The following ITGB8 variants were observed in gnomAD, a reference collection of about 807,000 sequenced individuals.
ITGB8 encodes integrin beta-8.
In ITGB8, 30 loss-of-function variants were observed where a neutral mutation model predicts 89.5. The observed-to-expected ratio is 0.34, with a 90% CI of 0.25 to 0.45. The LOEUF (loss-of-function observed/expected upper bound fraction) is 0.45, where lower values mean the gene tolerates loss of function less well. Ranked by LOEUF, ITGB8 falls within the 20% of genes least tolerant of loss-of-function variation. The probability of loss-of-function intolerance (pLI) is 1.00; values close to 1 mark genes in which losing one functional copy is unlikely to be tolerated. For missense variants in ITGB8, 836 were observed against 933.3 expected, an observed-to-expected ratio of 0.90 and a Z score of 1.36; for synonymous variants, 335 against 320.4, an observed-to-expected ratio of 1.05 and a Z score of -0.49.
At chr7:20,334,839 C>T (rs753440452) in intron 1 of ITGB8, among the ~76,000 whole-genome samples, 8 of 152,246 alleles carry the variant, frequency 5.3e-5, no homozygotes, top group Non-Finnish European at 1.0e-4. Flanking sequence ...TTCCTGTGCC[C>T]CAAAATAACT....
intron 6 of ITGB8, 194 bp downstream of exon 6, chr7:20,382,079 G>T (rs1262404152): frequency 9.0e-6 from 4 of 443,824 alleles, no homozygotes; most frequent in Non-Finnish European, 1.6e-5. Context: ...GAATAAAACA[G>T]TTTGACAGTT....
At chr7:20,339,952 C>T (rs922355390) in intron 1 of ITGB8, among the ~76,000 whole-genome samples, 2 of 152,238 alleles carry the variant, frequency 1.3e-5, no homozygotes, top group East Asian at 3.9e-4. Context: ...CGCCTGAACC[C>T]GGGAGGCGGA....
intron 3 of ITGB8, chr7:20,377,549 C>G (rs1236876372): frequency 6.6e-6 from 1 of 152,240 alleles, no homozygotes; most frequent in Non-Finnish European, 1.5e-5. Flanking sequence ...AATTTCTCCA[C>G]TCAAATTGCA....
Position 20,331,592 on chromosome 7 carries a change from C to A in ITGB8, c.-215C>A. On this transcript the variant is annotated 5_prime_UTR_variant, in exon 1 of 14. Transcript: ENST00000222573. ...CGCGGAGACCGCGGGACCCGCCGTG[C>A]CGAGCCGGGAGGGCCGCAGGGGCCC... 1 of 487,918 alleles carries A rather than the reference C, an allele frequency of 2.0e-6. No homozygotes were observed. Among genetic ancestry groups the A allele is most frequent in the Non-Finnish European group, 3.4e-6 (1 of 294,142 alleles). 30.2% of individuals were successfully genotyped at this position (487,918 alleles called of 1,614,324 possible).
chr7:20,367,182 T>C lies in ITGB8; in HGVS notation c.384T>C (p.Arg128=), dbSNP rs753250170. ...VTPGEVSIQL[R]PGAEANFMLK... ...CAGGAGAAGTGTCTATCCAGCTGCGTCCAGGTTTGGTCATTTTCAAATAAA... is the reference window on the plus strand; with the variant it reads ...CAGGAGAAGTGTCTATCCAGCTGCGCCCAGGTTTGGTCATTTTCAAATAAA... Residue 128 remains arginine, a synonymous_variant, in exon 3 of 14, where the codon CGT becomes CGC. Transcript: ENST00000222573. The C allele has an allele frequency of 1.2e-6, 2 of 1,601,230 alleles. No homozygotes were observed. The highest frequency in any genetic ancestry group is 1.7e-6 in the Non-Finnish European group (2 of 1,174,082).
chr7:20,332,008 A>T, intron 1 of ITGB8, 75 bp downstream of exon 1: 1 of 1,557,182 alleles, frequency 6.4e-7, no homozygotes. Context: ...CTGCCCGGCC[A>T]GAGCATCCCG....
At position 20,389,099 on chromosome 7, in the gene ITGB8, G is replaced by A. The variant is rs1240001896; in HGVS notation, c.961-2304G>A. Among the ~76,000 whole-genome samples, 10 of 152,030 alleles carry A rather than the reference G, an allele frequency of 6.6e-5. No homozygotes were observed. In the East Asian group the frequency reaches 1.9e-3, roughly 29 times the overall value. On this transcript the variant is annotated intron_variant, in intron 6 of 13. Coordinates refer to ENST00000222573, the MANE Select transcript of ITGB8 (RefSeq NM_002214.3). ...TTGTGAACAGTATTGAAATGCATGT[G>A]TCTTTATAGTAGAATGATATATAAT...
intron 9 of ITGB8, 44 bp downstream of exon 9, chr7:20,399,038 T>C: frequency 6.3e-7 from 1 of 1,575,884 alleles, no homozygotes; most frequent in East Asian, 2.3e-5. Context: ...AACTAAGTTG[T>C]TTGGCGTACT....
intron 12 of ITGB8, among the ~76,000 whole-genome samples, chr7:20,407,670 A>G (rs1787600989): frequency 6.6e-6 from 1 of 152,212 alleles, no homozygotes; most frequent in African/African-American, 2.4e-5. Flanking sequence ...AGCTGCGGCA[A>G]TCACTCCAGA....
At position 20,411,145 on chromosome 7, in the gene ITGB8, GCTT is replaced by G. The variant is rs1787746266; in HGVS notation, c.*1149_*1151del. On this transcript the variant is annotated 3_prime_UTR_variant, in exon 14 of 14. Transcript: ENST00000222573. Reference sequence around the variant, plus strand: ...AGAATAGATGATATCTTAGAAATAAGCTTTTTTTTTTTTTTTTTTTTTTTTTGA... The same window carrying G: ...AGAATAGATGATATCTTAGAAATAAGTTTTTTTTTTTTTTTTTTTTTTTGA... 3.3e-5 allele frequency: 4 copies of G among 121,682 alleles called. No homozygotes were observed. The highest frequency in any genetic ancestry group is 1.2e-4 in the African/African-American group (4 of 32,398). The allele number at this position is 121,682 out of a possible 1,614,324, so 7.5% of individuals were successfully genotyped here.
intron 12 of ITGB8, among the ~76,000 whole-genome samples, chr7:20,408,909 T>G (rs774750489): frequency 4.5e-4 from 69 of 152,152 alleles, no homozygotes; most frequent in Non-Finnish European, 8.7e-4. Flanking sequence ...AAATACACAG[T>G]GCATGTTTAG....
intron 1 of ITGB8, among the ~76,000 whole-genome samples, chr7:20,357,320 C>T (rs534054335): frequency 5.8e-4 from 88 of 152,086 alleles, no homozygotes; most frequent in Middle Eastern, 3.4e-3. Context: ...GTACTTTTTA[C>T]TTAATAGCCA....
intron 9 of ITGB8, 109 bp downstream of exon 9, chr7:20,399,103 G>T: frequency 9.0e-7 from 1 of 1,112,032 alleles, no homozygotes; most frequent in East Asian, 2.7e-5. Flanking sequence ...CTGACTCTAA[G>T]AATCTTATTT....
At chr7:20,355,908 GT>G (rs1257487056) in intron 1 of ITGB8, among the ~76,000 whole-genome samples, 2 of 152,182 alleles carry the variant, frequency 1.3e-5, no homozygotes, top group Non-Finnish European at 2.9e-5. Flanking sequence ...AGTAACTAAA[GT>G]TTTTCCACAG....
rs977914257 is a variant in ITGB8, at chr7:20,346,582, T to G, written c.127+14649T>G. Reference sequence around the variant, plus strand: ...GGCAAGGGGAGGTTCTGAGACTTGCTCTTAATTCTTAGGGAAGGAAGAGAC... The same window carrying G: ...GGCAAGGGGAGGTTCTGAGACTTGCGCTTAATTCTTAGGGAAGGAAGAGAC... On this transcript the variant is annotated intron_variant, in intron 1 of 13. Coordinates refer to ENST00000222573, the MANE Select transcript of ITGB8 (RefSeq NM_002214.3). 5 of 362,092 alleles carry G rather than the reference T, an allele frequency of 1.4e-5. No homozygotes were observed. In the South Asian group the frequency reaches 5.5e-4, roughly 40 times the overall value. The allele number at this position is 362,092 out of a possible 1,614,324, so 22.4% of individuals were successfully genotyped here.
Position 20,391,465 on chromosome 7 carries a change from T to G in ITGB8, c.1023T>G (p.Phe341Leu). ...KLIDNNINVI[F>L]AVQGKQFHWY... ...TAGACAACAACATTAATGTCATCTT[T>G]GCAGTTCAAGGAAAACAATTTCATT... Residue 341 changes from phenylalanine to leucine, a missense_variant, in exon 7 of 14, where the codon TTT becomes TTG. By Grantham distance (22) the Phe-to-Leu change is conservative. Coordinates refer to ENST00000222573, the MANE Select transcript of ITGB8 (RefSeq NM_002214.3). The G allele has an allele frequency of 6.2e-7, 1 of 1,604,750 alleles. No homozygotes were observed. The highest frequency in any genetic ancestry group is 8.5e-7 in the Non-Finnish European group (1 of 1,174,628).
intron 1 of ITGB8, among the ~76,000 whole-genome samples, chr7:20,345,589 G>A (rs1784898194): frequency 6.6e-6 from 1 of 152,096 alleles, no homozygotes; most frequent in Non-Finnish European, 1.5e-5. Context: ...GATAACTGGA[G>A]AAAGGGTAGA....
At chr7:20,371,770 A>C (rs1785944348) in intron 3 of ITGB8, among the ~76,000 whole-genome samples, 1 of 152,192 alleles carries the variant, frequency 6.6e-6, no homozygotes, top group South Asian at 2.1e-4. Context: ...ATATAACCGC[A>C]TATTTATTTA....
intron 4 of ITGB8, chr7:20,380,452 C>G (rs1421301668): frequency 2.1e-6 from 1 of 480,906 alleles, no homozygotes. Flanking sequence ...TTTTGAATAC[C>G]AAATGCTTAT....
Sources: gnomAD v4.1 joint callset for allele counts (sites outside exome capture counted in the v4.1 genomes callset) on GRCh38, gnomAD v4.1.1 for gene constraint, MANE v1.5 for transcripts, NCBI Gene and HGNC (gene_info 2026-07-23, HGNC 2026-07-21) for gene names.